Variants in ZNF486 observed in about 807,000 individuals in gnomAD.
The protein encoded by ZNF486 is zinc finger protein 486.
Under a neutral mutation model 12.8 loss-of-function variants are expected in ZNF486, and 12 were observed. The ratio of observed to expected loss-of-function variants is 0.94; its 90% CI spans 0.60 to 1.52. ZNF486 has a LOEUF of 1.52. ZNF486 is among the 40% of genes most tolerant of loss of function. The probability of loss-of-function intolerance (pLI) is 0.00; values close to 1 mark genes in which losing one functional copy is unlikely to be tolerated. For synonymous variants in ZNF486, 231 were observed against 184.9 expected (o/e 1.25, Z -2.02); for missense variants, 738 against 545.0 (o/e 1.35, Z -3.53).
In ZNF486 at chr19:20,199,411, T is replaced by C. The variant is rs1334101373; in HGVS notation, c.*1309T>C. On this transcript the variant is annotated 3_prime_UTR_variant, in exon 4 of 4. Coordinates refer to ENST00000335117, the MANE Select transcript of ZNF486 (RefSeq NM_052852.4). ...ATATTGAAGAAGATTCCTGCAAATG[T>C]AATGAGTTTGGAAACACTTCTTAGA... is the stretch of plus-strand genomic sequence containing the variant. 1.3e-5 allele frequency: 2 copies of C among 152,182 alleles called. No individual in the cohort carries two copies. Among genetic ancestry groups the C allele is most frequent in the Admixed American group, 6.6e-5 (1 of 15,262 alleles). 9.4% of individuals were successfully genotyped at this position (152,182 alleles called of 1,614,324 possible). A position where few individuals can be genotyped will look rare whatever the true frequency, so the allele number is the denominator to read the frequency against.
At chr19:20,187,504 T>G (rs1314563384) in intron 3 of ZNF486, among the ~76,000 whole-genome samples, 1 of 146,958 alleles carries the variant, frequency 6.8e-6, no homozygotes, top group African/African-American at 2.5e-5. Flanking sequence ...CTTCAAGTTT[T>G]TTTTTTTTTT....
chr19:20,167,233 G>GCT lies in ZNF486; in HGVS notation c.-95_-94dup. ...GCCTTTGTCTCTCGCTGCATCTGGAGCTCTAGGTCGCCTCTTCGCTACTCT... is the reference window on the plus strand; with the variant it reads ...GCCTTTGTCTCTCGCTGCATCTGGAGCTCTCTAGGTCGCCTCTTCGCTACTCT... On this transcript the variant is annotated 5_prime_UTR_variant, in exon 1 of 4. Coordinates refer to ENST00000335117, the MANE Select transcript of ZNF486 (RefSeq NM_052852.4). The GCT allele has an allele frequency of 6.8e-7, 1 of 1,470,440 alleles. No homozygotes were observed. The highest frequency in any genetic ancestry group is 9.5e-7 in the Non-Finnish European group (1 of 1,050,516). The allele number at this position is 1,470,440 out of a possible 1,614,324, so 91.1% of individuals were successfully genotyped here. A position where few individuals can be genotyped will look rare whatever the true frequency, so the allele number is the denominator to read the frequency against.
At chr19:20,171,778 A>G (rs1161856116) in intron 1 of ZNF486, among the ~76,000 whole-genome samples, 1 of 152,048 alleles carries the variant, frequency 6.6e-6, no homozygotes, top group Non-Finnish European at 1.5e-5. Flanking sequence ...AGTTAAAATT[A>G]TGTCATGGGG....
chr19:20,181,505 C>T (rs1233531701), intron 1 of ZNF486, among the ~76,000 whole-genome samples: 3 of 149,342 alleles, frequency 2.0e-5, no homozygotes, highest in Non-Finnish European at 4.4e-5. Flanking sequence ...CGCCACTGCA[C>T]TCCAGCCTGG....
chr19:20,194,397 T>C (rs1238810976), intron 3 of ZNF486, among the ~76,000 whole-genome samples: 1 of 152,074 alleles, frequency 6.6e-6, no homozygotes, highest in Non-Finnish European at 1.5e-5. Context: ...TTTAGCAATA[T>C]CACAGTTTTT....
intron 3 of ZNF486, among the ~76,000 whole-genome samples, chr19:20,186,426 C>A (rs912516997): frequency 2.0e-4 from 31 of 152,142 alleles, no homozygotes; most frequent in African/African-American, 7.5e-4. Context: ...TTTTGAGAAA[C>A]TAAAACCCTT....
At chr19:20,185,060 G>GA (rs2089827883) in intron 2 of ZNF486, among the ~76,000 whole-genome samples, 1 of 152,094 alleles carries the variant, frequency 6.6e-6, no homozygotes, top group East Asian at 1.9e-4. Flanking sequence ...TTGGTGAGCC[G>GA]AGACTGAGCC....
Position 20,186,028 on chromosome 19 carries a change from C to A in ZNF486, c.199C>A (p.Gln67Lys). Residue 67 changes from glutamine to lysine, a missense_variant, in exon 3 of 4, where the codon CAA becomes AAA. Gln to Lys is a moderately conservative substitution (Grantham distance 53). Coordinates refer to ENST00000335117, the MANE Select transcript of ZNF486 (RefSeq NM_052852.4). ...SKPDLITCLE[Q>K]GIKPLTMKRH... ...GCCAGACCTGATCACCTGTCTGGAG[C>A]AAGGAATAAAACCTCTGACTATGAA... The A allele has an allele frequency of 6.3e-7, 1 of 1,590,032 alleles. No individual in the cohort carries two copies. The highest frequency in any genetic ancestry group is 8.5e-7 in the Non-Finnish European group (1 of 1,170,334).
Position 20,197,672 on chromosome 19 carries a change from C to G in ZNF486, c.962C>G (p.Pro321Arg). The change falls in exon 4 of 4, where the codon CCG becomes CGG. Residue 321 changes from proline (P) to arginine (R), a missense_variant. Physicochemically the swap from Pro to Arg is moderately radical, Grantham distance 103 (BLOSUM62 -2). Transcript: ENST00000335117. ...SHKKIHTGEK[P>R]YTCDKCGKAF... ...AAGAAAATTCATACTGGAGAGAAAC[C>G]GTACACGTGTGATAAATGTGGCAAA... The G allele has an allele frequency of 1.2e-6, 2 of 1,613,682 alleles. No individual in the cohort carries two copies. Among genetic ancestry groups the G allele is most frequent in the Non-Finnish European group, 1.7e-6 (2 of 1,179,792 alleles).
chr19:20,175,476 C>G (rs549110858), intron 1 of ZNF486: 1 of 153,944 alleles, frequency 6.5e-6, no homozygotes, highest in Admixed American at 6.5e-5. Flanking sequence ...GAGGACCCTG[C>G]GGCCTTCCGC....
At chr19:20,174,215 G>A (rs1042754455) in intron 1 of ZNF486, among the ~76,000 whole-genome samples, 7 of 152,070 alleles carry the variant, frequency 4.6e-5, no homozygotes, top group African/African-American at 1.7e-4. Flanking sequence ...AATATTTGCA[G>A]GCTGAAGTAC....
At chr19:20,196,904 G>A in intron 3 of ZNF486, 60 bp from the exon 4 acceptor site, 1 of 1,492,636 alleles carries the variant, frequency 6.7e-7, no homozygotes, top group Non-Finnish European at 8.9e-7. Flanking sequence ...GGTTAGATTT[G>A]TAAAGTATAT....
intron 1 of ZNF486, among the ~76,000 whole-genome samples, chr19:20,173,298 A>G (rs1400706663): frequency 3.3e-5 from 5 of 152,178 alleles, no homozygotes; most frequent in African/African-American, 9.7e-5. Flanking sequence ...TAGTTATTCT[A>G]GCACCATTTA....
chr19:20,174,115 G>A (rs912080763), intron 1 of ZNF486, among the ~76,000 whole-genome samples: 4 of 152,082 alleles, frequency 2.6e-5, no homozygotes, highest in Non-Finnish European at 4.4e-5. Flanking sequence ...TTAGCACAAA[G>A]ATAGGATCAA....
chr19:20,193,518 G>A (rs782294068), intron 3 of ZNF486, among the ~76,000 whole-genome samples: 9 of 151,826 alleles, frequency 5.9e-5, no homozygotes, highest in Non-Finnish European at 1.3e-4. Flanking sequence ...AACATTATCC[G>A]GGCATGCTGG....
chr19:20,192,019 T>C (rs1355329393), intron 3 of ZNF486, among the ~76,000 whole-genome samples: 1 of 152,178 alleles, frequency 6.6e-6, no homozygotes, highest in Non-Finnish European at 1.5e-5. Flanking sequence ...TACATATAGA[T>C]AGATAAATAA....
chr19:20,170,035 C>T (rs1555713668), intron 1 of ZNF486, among the ~76,000 whole-genome samples: 3 of 151,472 alleles, frequency 2.0e-5, no homozygotes. Context: ...GGACTACAGG[C>T]GCCCGCCACC....
At chr19:20,193,446 G>T (rs1286264894) in intron 3 of ZNF486, among the ~76,000 whole-genome samples, 1 of 151,900 alleles carries the variant, frequency 6.6e-6, no homozygotes, top group Non-Finnish European at 1.5e-5. Context: ...TGAATCAGAA[G>T]GTCAGGAGTT....
chr19:20,169,912 AGACAGTCTCACTCC>A (rs1555713628), intron 1 of ZNF486, among the ~76,000 whole-genome samples: 1 of 90,790 alleles, frequency 1.1e-5, no homozygotes, highest in Non-Finnish European at 1.9e-5. Context: ...TTTTTTTTTG[AGACAGTCTCACTCC>A]GTCGCCCAGG....
Sources: allele counts gnomAD v4.1 joint callset (sites outside exome capture counted in the v4.1 genomes callset), GRCh38; gene constraint gnomAD v4.1.1; transcripts MANE v1.5; gene names NCBI Gene and HGNC (gene_info 2026-07-23, HGNC 2026-07-21).